The following TMTC2 variants were observed in gnomAD, a reference collection of about 807,000 sequenced individuals.
The protein encoded by TMTC2 is protein O-mannosyl-transferase TMTC2.
TMTC2 carries 43 observed loss-of-function variants against 82.4 expected under a neutral mutation model. The observed-to-expected ratio is 0.52, with a 90% confidence interval of 0.41 to 0.67. The LOEUF (loss-of-function observed/expected upper bound fraction) is 0.67. TMTC2 is among the 30% of genes least tolerant of loss of function. The probability of loss-of-function intolerance (pLI) is 0.00; values close to 1 mark genes in which losing one functional copy is unlikely to be tolerated. For synonymous variants in TMTC2, 408 were observed against 381.9 expected, an observed-to-expected ratio of 1.07 and a Z score of -0.80; for missense variants, 919 against 1,012.4, an observed-to-expected ratio of 0.91 and a Z score of 1.25.
intron 2 of TMTC2, among the ~76,000 whole-genome samples, chr12:82,873,708 G>GT (rs1872333062): frequency 6.6e-6 from 1 of 152,136 alleles, no homozygotes; most frequent in Admixed American, 6.5e-5. Context: ...CAGGAATTAG[G>GT]TTGTATTTAA....
intron 11 of TMTC2, among the ~76,000 whole-genome samples, chr12:83,085,524 C>T (rs1207916331): frequency 1.3e-5 from 2 of 151,946 alleles, no homozygotes; most frequent in Non-Finnish European, 2.9e-5. Context: ...AGTAATATTT[C>T]TTTTGCCTTG....
intron 1 of TMTC2, among the ~76,000 whole-genome samples, chr12:82,801,311 G>A (rs565117235): frequency 3.0e-4 from 45 of 152,220 alleles, no homozygotes; most frequent in African/African-American, 1.1e-3. Context: ...GAGTGAAACT[G>A]CAGATCTTCA....
chr12:82,778,031 A>G (rs1031206350), intron 1 of TMTC2, among the ~76,000 whole-genome samples: 2 of 151,874 alleles, frequency 1.3e-5, no homozygotes, highest in Non-Finnish European at 2.9e-5. Context: ...CCCAGATACA[A>G]GGATTAAATT....
intron 1 of TMTC2, among the ~76,000 whole-genome samples, chr12:82,821,139 A>G (rs1182746594): frequency 6.6e-6 from 1 of 152,144 alleles, no homozygotes; most frequent in African/African-American, 2.4e-5. Flanking sequence ...GATTATAGGT[A>G]TGAACCACAG....
intron 1 of TMTC2, among the ~76,000 whole-genome samples, chr12:82,814,641 G>A (rs536553556): frequency 6.6e-6 from 1 of 152,162 alleles, no homozygotes; most frequent in Admixed American, 6.5e-5. Context: ...TGATTAGAAG[G>A]AACAAAAAGG....
At chr12:83,030,212 A>C (rs567286087) in intron 8 of TMTC2, among the ~76,000 whole-genome samples, 13 of 152,310 alleles carry the variant, frequency 8.5e-5, no homozygotes, top group African/African-American at 2.6e-4. Context: ...ATGAGGTTAC[A>C]TAACAATTCT....
chr12:82,816,388 C>T (rs564712636), intron 1 of TMTC2, among the ~76,000 whole-genome samples: 1 of 151,962 alleles, frequency 6.6e-6, no homozygotes, highest in Admixed American at 6.6e-5. Context: ...CACAGATGTC[C>T]CTCACCCTAG....
At chr12:82,983,821 C>G (rs150322865) in intron 7 of TMTC2, among the ~76,000 whole-genome samples, 1 of 151,994 alleles carries the variant, frequency 6.6e-6, no homozygotes, top group East Asian at 1.9e-4. Context: ...GATATGTTTT[C>G]TCATTAATTG....
At chr12:82,828,062 T>C (rs1869526984) in intron 1 of TMTC2, among the ~76,000 whole-genome samples, 1 of 151,558 alleles carries the variant, frequency 6.6e-6, no homozygotes, top group African/African-American at 2.4e-5. Flanking sequence ...CCAGCTAATT[T>C]TTGTATTTTT....
At chr12:83,065,219 T>C (rs1417667473) in intron 11 of TMTC2, among the ~76,000 whole-genome samples, 1 of 151,978 alleles carries the variant, frequency 6.6e-6, no homozygotes, top group African/African-American at 2.4e-5. Flanking sequence ...ACCTATTCCA[T>C]TTCTTCAATA....
chr12:82,798,082 A>C (rs1185407081), intron 1 of TMTC2, among the ~76,000 whole-genome samples: 1 of 150,204 alleles, frequency 6.7e-6, no homozygotes, highest in Non-Finnish European at 1.5e-5. Context: ...CAGGCTCCTG[A>C]GTAGCTAAGG....
chr12:82,834,594 C>T (rs1869928428), intron 1 of TMTC2, among the ~76,000 whole-genome samples: 1 of 152,184 alleles, frequency 6.6e-6, no homozygotes, highest in Non-Finnish European at 1.5e-5. Flanking sequence ...TTATCATCCT[C>T]CTTTTTCCAA....
chr12:83,086,215 G>A (rs777971531), intron 11 of TMTC2, among the ~76,000 whole-genome samples: 13 of 151,550 alleles, frequency 8.6e-5, no homozygotes, highest in South Asian at 4.2e-4. Context: ...ACAGTGGGGC[G>A]GCCAGGCAGA....
At chr12:82,787,035 CT>C (rs1434291953) in intron 1 of TMTC2, among the ~76,000 whole-genome samples, 1 of 152,050 alleles carries the variant, frequency 6.6e-6, no homozygotes, top group Admixed American at 6.6e-5. Flanking sequence ...GTTCAGAGAG[CT>C]TTATCAGGCT....
At chr12:82,962,835 T>C (rs1043068972) in intron 4 of TMTC2, among the ~76,000 whole-genome samples, 45 of 152,084 alleles carry the variant, frequency 3.0e-4, no homozygotes, top group African/African-American at 1.1e-3. Context: ...TAGAGACAAG[T>C]ACAAAATCCT....
chr12:82,687,420 G>A lies in TMTC2; in HGVS notation c.-167G>A. On this transcript the variant is annotated 5_prime_UTR_variant, in exon 1 of 12. Transcript: ENST00000321196. ...CTGCGGAGACGGGCGCGAGGAGGAGGAGAGGAGTCGTGGATTGGAAGGACC... is the reference window on the plus strand; with the variant it reads ...CTGCGGAGACGGGCGCGAGGAGGAGAAGAGGAGTCGTGGATTGGAAGGACC... The A allele has an allele frequency of 6.3e-6, 4 of 639,724 alleles. No homozygotes were observed. The highest frequency in any genetic ancestry group is 4.3e-4 in the Middle Eastern group (1 of 2,350). 39.6% of individuals were successfully genotyped at this position (639,724 alleles called of 1,614,324 possible). A position where few individuals can be genotyped will look rare whatever the true frequency, so the allele number is the denominator to read the frequency against.
intron 11 of TMTC2, among the ~76,000 whole-genome samples, chr12:83,103,545 C>T (rs754160297): frequency 2.6e-5 from 4 of 152,126 alleles, no homozygotes; most frequent in Non-Finnish European, 5.9e-5. Flanking sequence ...GTCACAAGTA[C>T]ACACGATTGC....
intron 1 of TMTC2, among the ~76,000 whole-genome samples, chr12:82,795,126 G>A (rs576786817): frequency 6.6e-6 from 1 of 151,946 alleles, no homozygotes; most frequent in Admixed American, 6.6e-5. Flanking sequence ...CCAACATGGT[G>A]AAACCCCATA....
chr12:82,709,155 T>C (rs1367822788), intron 1 of TMTC2, among the ~76,000 whole-genome samples: 1 of 152,140 alleles, frequency 6.6e-6, no homozygotes, highest in Non-Finnish European at 1.5e-5. Context: ...CTTCTGTACT[T>C]TTTGAGACTC....
Sources: allele counts gnomAD v4.1 joint callset (sites outside exome capture counted in the v4.1 genomes callset), GRCh38; gene constraint gnomAD v4.1.1; transcripts MANE v1.5; gene names NCBI Gene and HGNC (gene_info 2026-07-23, HGNC 2026-07-21).